The following IFT88 variants were observed in gnomAD, a reference collection of about 807,000 sequenced individuals.
IFT88 encodes the protein intraflagellar transport protein 88 homolog.
Under a neutral mutation model 119.5 loss-of-function variants are expected in IFT88, and 74 were observed. The ratio of observed to expected loss-of-function variants is 0.62; its 90% CI spans 0.51 to 0.75. The LOEUF (loss-of-function observed/expected upper bound fraction) is 0.75, where lower values mean the gene tolerates loss of function less well. Ranked by LOEUF, IFT88 falls within the 30% of genes least tolerant of loss-of-function variation. IFT88 has a pLI of 0.00. For synonymous variants in IFT88, 279 were observed against 316.7 expected (o/e 0.88, Z 1.26); for missense variants, 961 against 977.7 (o/e 0.98, Z 0.23).
At chr13:20,640,786 G>T (rs1379520231) in intron 17 of IFT88, among the ~76,000 whole-genome samples, 6 of 151,904 alleles carry the variant, frequency 3.9e-5, no homozygotes, top group African/African-American at 7.3e-5. Flanking sequence ...TAAAATCACT[G>T]AAGCTTTGTA....
At chr13:20,605,603 C>T (rs535179537) in intron 13 of IFT88, among the ~76,000 whole-genome samples, 33 of 152,224 alleles carry the variant, frequency 2.2e-4, no homozygotes, top group Non-Finnish European at 4.4e-4. Context: ...TGGTTTTTCT[C>T]ACACCAACAA....
intron 22 of IFT88, among the ~76,000 whole-genome samples, chr13:20,659,933 C>T (rs528618358): frequency 1.3e-4 from 20 of 152,282 alleles, no homozygotes; most frequent in Non-Finnish European, 2.2e-4. Flanking sequence ...TGAGCCACCG[C>T]GCCTGGTCTA....
chr13:20,576,317 G>T lies in IFT88; in HGVS notation c.90+1842G>T, dbSNP rs2037377181. On this transcript the variant is annotated intron_variant, in intron 2 of 25. Coordinates refer to ENST00000351808, the MANE Select transcript of IFT88 (RefSeq NM_006531.5). ...TATAAATATTTTCTCCCATTCTGTG[G>T]GTTGTCTCTTCACTTCATTGTTTCC... Among the ~76,000 whole-genome samples, 2 of 152,068 alleles carry T rather than the reference G, an allele frequency of 1.3e-5. 1 individual carries two copies. Among genetic ancestry groups the T allele is most frequent in the African/African-American group, 4.8e-5 (2 of 41,406 alleles).
At chr13:20,668,965 G>A (rs1034784792) in intron 23 of IFT88, among the ~76,000 whole-genome samples, 29 of 152,238 alleles carry the variant, frequency 1.9e-4, no homozygotes, top group Admixed American at 8.5e-4. Flanking sequence ...TAAGTGAGCA[G>A]TGGGGAGCCC....
At position 20,601,806 on chromosome 13, in the gene IFT88, T is replaced by G; in HGVS notation, c.914T>G (p.Leu305Arg). ...YEHIMSMAPN[L>R]KAGYNLTICY... ...CACATAATGAGCATGGCACCAAATC[T>G]GAAGGCAGGCTACAACCTAACTATC... The change falls in exon 12 of 26, where the codon CTG becomes CGG. Residue 305 changes from leucine (L) to arginine (R), a missense_variant. Leu to Arg is a moderately radical substitution (Grantham distance 102). Transcript: ENST00000351808. 1 of 1,613,526 alleles carries G rather than the reference T, an allele frequency of 6.2e-7. No individual in the cohort carries two copies. Among genetic ancestry groups the G allele is most frequent in the Admixed American group, 1.7e-5 (1 of 60,022 alleles).
intron 22 of IFT88, among the ~76,000 whole-genome samples, chr13:20,656,709 G>A (rs1161516893): frequency 6.6e-6 from 1 of 152,006 alleles, no homozygotes; most frequent in Admixed American, 6.6e-5. Context: ...AAGCATTTTG[G>A]CCTATGGTTG....
chr13:20,593,521 CT>C (rs36063547), intron 7 of IFT88, among the ~76,000 whole-genome samples: 1,913 of 150,546 alleles, frequency 0.013, 46 homozygotes, highest in African/African-American at 0.044. Flanking sequence ...AATTGTAATT[CT>C]TTTTTTTTGT....
intron 24 of IFT88, among the ~76,000 whole-genome samples, chr13:20,687,857 T>TAAGCAA (rs59716034): frequency 0.26 from 38,902 of 152,060 alleles, 6,508 homozygotes; most frequent in African/African-American, 0.47. Context: ...TTAAATCCAA[T>TAAGCAA]GTGCAGGAGC....
intron 16 of IFT88, among the ~76,000 whole-genome samples, chr13:20,633,025 A>G (rs2048440388): frequency 6.6e-6 from 1 of 152,200 alleles, no homozygotes; most frequent in African/African-American, 2.4e-5. Context: ...GCTTCAATCT[A>G]CTGGTAGGAG....
intron 14 of IFT88, among the ~76,000 whole-genome samples, chr13:20,624,781 G>A (rs934733262): frequency 6.6e-6 from 1 of 152,114 alleles, no homozygotes; most frequent in Non-Finnish European, 1.5e-5. Context: ...TCAGGCTGGA[G>A]TGCAGTGATA....
intron 3 of IFT88, among the ~76,000 whole-genome samples, chr13:20,585,602 A>G (rs1175231471): frequency 1.3e-5 from 2 of 152,212 alleles, no homozygotes; most frequent in East Asian, 1.9e-4. Context: ...GGTTCAGGCT[A>G]GTAACTCCAG....
At chr13:20,615,928 T>C (rs2045536273) in intron 14 of IFT88, 49 bp downstream of exon 14, 1 of 1,012,508 alleles carries the variant, frequency 9.9e-7, no homozygotes, top group African/African-American at 1.7e-5. Context: ...TTTTTCATAA[T>C]TTATACTTTT....
At position 20,631,049 on chromosome 13, in the gene IFT88, G is replaced by C. The variant is rs1454574170; in HGVS notation, c.1333G>C (p.Asp445His). 22 of 1,606,228 alleles carry C rather than the reference G, an allele frequency of 1.4e-5. No individual in the cohort carries two copies. Among genetic ancestry groups the C allele is most frequent in the Non-Finnish European group, 1.6e-5 (19 of 1,172,976 alleles). ...VEILKVLEKK[D>H]SRVKSAAATN... ...GATCTTAAAAGTGTTGGAAAAAAAG[G>C]ACAGTAGAGTGAAAAGTGCAGCTGC... is the stretch of plus-strand genomic sequence containing the variant. The change falls in exon 16 of 26, where the codon GAC (aspartate) becomes CAC (histidine). Residue 445 changes from aspartate to histidine, a missense_variant. Asp to His is a moderately conservative substitution (Grantham distance 81, BLOSUM62 -1). Coordinates refer to ENST00000351808, the MANE Select transcript of IFT88 (RefSeq NM_006531.5).
At chr13:20,596,622 C>CT (rs954799555) in intron 8 of IFT88, among the ~76,000 whole-genome samples, 4 of 152,134 alleles carry the variant, frequency 2.6e-5, no homozygotes, top group Non-Finnish European at 5.9e-5. Context: ...ATATTTTTTC[C>CT]TAAGTAAACT....
chr13:20,613,458 A>G (rs2044983537), intron 13 of IFT88, among the ~76,000 whole-genome samples: 1 of 152,120 alleles, frequency 6.6e-6, no homozygotes, highest in African/African-American at 2.4e-5. Flanking sequence ...GTGTGGAGAA[A>G]TTGGAACTCT....
chr13:20,629,038 C>A (rs1467934778), intron 15 of IFT88, among the ~76,000 whole-genome samples: 2 of 151,982 alleles, frequency 1.3e-5, no homozygotes, highest in Non-Finnish European at 2.9e-5. Context: ...TGTTAGCATT[C>A]TTTTTGTATT....
intron 21 of IFT88, among the ~76,000 whole-genome samples, chr13:20,654,324 C>G (rs1184650919): frequency 6.6e-6 from 1 of 152,184 alleles, no homozygotes; most frequent in African/African-American, 2.4e-5. Context: ...AAAGCTCACA[C>G]TGAGACAAGT....
intron 21 of IFT88, among the ~76,000 whole-genome samples, chr13:20,655,952 T>C (rs2052702957): frequency 6.6e-6 from 1 of 152,058 alleles, no homozygotes; most frequent in African/African-American, 2.4e-5. Context: ...CACTAAAATA[T>C]TTAAAGTGAA....
At chr13:20,582,754 C>T (rs185765305) in intron 2 of IFT88, among the ~76,000 whole-genome samples, 107 of 152,228 alleles carry the variant, frequency 7.0e-4, no homozygotes, top group Middle Eastern at 3.4e-3. Context: ...CTAACATGAC[C>T]GGTACTCCTC....
Sources: gnomAD v4.1 joint callset for allele counts (sites outside exome capture counted in the v4.1 genomes callset) on GRCh38, gnomAD v4.1.1 for gene constraint, MANE v1.5 for transcripts, NCBI Gene and HGNC (gene_info 2026-07-23, HGNC 2026-07-21) for gene names.